Variants in UBE2E2 observed in about 807,000 individuals in gnomAD.
UBE2E2 encodes the protein ubiquitin-conjugating enzyme E2 E2.
A neutral mutation model predicts 24.7 loss-of-function variants in UBE2E2; 6 were observed. That is an observed-to-expected ratio of 0.24 (90% CI 0.13 to 0.48). UBE2E2 has a LOEUF of 0.48. Ranked by LOEUF, UBE2E2 falls within the 20% of genes least tolerant of loss-of-function variation. The pLI is 0.99. For missense variants in UBE2E2, 169 were observed against 245.0 expected (o/e 0.69, Z 2.07); for synonymous variants, 104 against 83.6 (o/e 1.24, Z -1.33).
At chr3:23,565,876 G>A (rs914425952) in intron 5 of UBE2E2, among the ~76,000 whole-genome samples, 2 of 152,026 alleles carry the variant, frequency 1.3e-5, no homozygotes, top group African/African-American at 2.4e-5. Flanking sequence ...AAGAACCTCC[G>A]TCATGAGATC....
chr3:23,451,753 G>A (rs1021295201), intron 3 of UBE2E2, among the ~76,000 whole-genome samples: 8 of 152,190 alleles, frequency 5.3e-5, no homozygotes, highest in South Asian at 4.2e-4. Context: ...TTTTATGAGC[G>A]AGGAATATGT....
intron 3 of UBE2E2, among the ~76,000 whole-genome samples, chr3:23,262,363 C>T (rs566902633): frequency 6.6e-6 from 1 of 152,202 alleles, no homozygotes; most frequent in African/African-American, 2.4e-5. Context: ...CCATTGCAGC[C>T]AACTCCTGGG....
chr3:23,479,623 T>G (rs1699211924), intron 3 of UBE2E2, among the ~76,000 whole-genome samples: 3 of 152,144 alleles, frequency 2.0e-5, no homozygotes. Flanking sequence ...TTGTTCCACA[T>G]CCAGGAAGAA....
At chr3:23,473,640 C>T (rs929032596) in intron 3 of UBE2E2, among the ~76,000 whole-genome samples, 1 of 152,114 alleles carries the variant, frequency 6.6e-6, no homozygotes, top group Admixed American at 6.5e-5. Context: ...CATGCCTTTG[C>T]ATCCTCATAG....
intron 3 of UBE2E2, among the ~76,000 whole-genome samples, chr3:23,267,596 A>T (rs1425605234): frequency 6.6e-6 from 1 of 151,958 alleles, no homozygotes; most frequent in African/African-American, 2.4e-5. Context: ...CCAGGACCAG[A>T]TGGATTCACA....
intron 3 of UBE2E2, among the ~76,000 whole-genome samples, chr3:23,271,959 C>A (rs1480146741): frequency 1.3e-5 from 2 of 152,238 alleles, no homozygotes; most frequent in African/African-American, 4.8e-5. Flanking sequence ...AGGAGCCCAG[C>A]TGGCTTCGCC....
At chr3:23,277,957 G>A (rs190632916) in intron 3 of UBE2E2, among the ~76,000 whole-genome samples, 81 of 152,168 alleles carry the variant, frequency 5.3e-4, no homozygotes, top group South Asian at 2.7e-3. Flanking sequence ...CTCTTCTTGG[G>A]CGTGATACCC....
intron 3 of UBE2E2, among the ~76,000 whole-genome samples, chr3:23,421,088 A>G (rs919029260): frequency 3.3e-5 from 5 of 152,232 alleles, no homozygotes; most frequent in African/African-American, 1.2e-4. Context: ...TCTACTTTCT[A>G]CTGTGTGCAC....
intron 3 of UBE2E2, among the ~76,000 whole-genome samples, chr3:23,297,139 C>A (rs1269912609): frequency 6.6e-6 from 1 of 152,142 alleles, no homozygotes; most frequent in Non-Finnish European, 1.5e-5. Flanking sequence ...ATCCTTCACC[C>A]ACTTTTTGAT....
chr3:23,377,095 ATTCACC>A (rs1696542839), intron 3 of UBE2E2, among the ~76,000 whole-genome samples: 1 of 152,132 alleles, frequency 6.6e-6, no homozygotes, highest in Non-Finnish European at 1.5e-5. Flanking sequence ...TAATTACTAT[ATTCACC>A]CAAACATACA....
intron 3 of UBE2E2, among the ~76,000 whole-genome samples, chr3:23,418,604 T>A (rs1403156526): frequency 6.6e-6 from 1 of 152,220 alleles, no homozygotes; most frequent in African/African-American, 2.4e-5. Flanking sequence ...TATAGAGTTG[T>A]CAGCCAAGAT....
At chr3:23,367,013 C>T (rs994122799) in intron 3 of UBE2E2, among the ~76,000 whole-genome samples, 2 of 152,094 alleles carry the variant, frequency 1.3e-5, no homozygotes, top group South Asian at 4.1e-4. Context: ...CTAAGGGACT[C>T]TCTTAGTCCT....
At chr3:23,240,129 A>G (rs1019305681) in intron 3 of UBE2E2, among the ~76,000 whole-genome samples, 5 of 152,156 alleles carry the variant, frequency 3.3e-5, no homozygotes, top group African/African-American at 9.7e-5. Flanking sequence ...CTTATTATTT[A>G]AGGTTAGGAT....
intron 5 of UBE2E2, among the ~76,000 whole-genome samples, chr3:23,587,445 G>A (rs6802488): frequency 0.31 from 47,054 of 151,964 alleles, 8,023 homozygotes; most frequent in East Asian, 0.49. Context: ...CTGACATTGA[G>A]CCTTACCTTC....
chr3:23,289,450 G>C (rs1244073418), intron 3 of UBE2E2, among the ~76,000 whole-genome samples: 1 of 152,156 alleles, frequency 6.6e-6, no homozygotes, highest in Non-Finnish European at 1.5e-5. Context: ...ATAATGTAAA[G>C]AGAAAACTTT....
intron 5 of UBE2E2, among the ~76,000 whole-genome samples, chr3:23,568,622 T>TATATATGTATACATATATACACACAC (rs1696139776): frequency 1.9e-5 from 2 of 106,688 alleles, no homozygotes; most frequent in South Asian, 2.6e-4. Flanking sequence ...TACACACACA[T>TATATATGTATACATATATACACACAC]ATATATATGT....
At chr3:23,415,201 A>G (rs1697592846) in intron 3 of UBE2E2, among the ~76,000 whole-genome samples, 1 of 152,236 alleles carries the variant, frequency 6.6e-6, no homozygotes, top group South Asian at 2.1e-4. Context: ...TAATGCAGGT[A>G]AAGATATTAG....
At chr3:23,236,732 C>G (rs947859263) in intron 3 of UBE2E2, among the ~76,000 whole-genome samples, 1 of 152,030 alleles carries the variant, frequency 6.6e-6, no homozygotes, top group Non-Finnish European at 1.5e-5. Context: ...GAAAGACTAC[C>G]CTCAAAGCCA....
chr3:23,546,839 T>A (rs1695535547), intron 5 of UBE2E2, among the ~76,000 whole-genome samples: 1 of 152,148 alleles, frequency 6.6e-6, no homozygotes, highest in Non-Finnish European at 1.5e-5. Context: ...AAGATAAAGA[T>A]TATAGTGGTG....
Sources: allele counts gnomAD v4.1 joint callset (sites outside exome capture counted in the v4.1 genomes callset), GRCh38; gene constraint gnomAD v4.1.1; transcripts MANE v1.5; gene names NCBI Gene and HGNC (gene_info 2026-07-23, HGNC 2026-07-21).